The following TUSC3 variants were observed in gnomAD, a reference collection of about 807,000 sequenced individuals.
TUSC3 encodes the protein dolichyl-diphosphooligosaccharide--protein glycosyltransferase subunit TUSC3.
In TUSC3, 45 loss-of-function variants were observed where a neutral mutation model predicts 44.8. That is an observed-to-expected ratio of 1.00 (90% CI 0.79 to 1.29). The LOEUF (loss-of-function observed/expected upper bound fraction) is 1.29. TUSC3 is among the 50% of genes most tolerant of loss of function. The probability of loss-of-function intolerance (pLI) is 0.00; values close to 1 mark genes in which losing one functional copy is unlikely to be tolerated. For missense variants in TUSC3, 519 were observed against 437.9 expected (o/e 1.19, Z -1.65); for synonymous variants, 212 against 152.9 (o/e 1.39, Z -2.85).
chr8:15,490,445 T>G (rs959659397), intron 2 of TUSC3, among the ~76,000 whole-genome samples: 2 of 152,064 alleles, frequency 1.3e-5, no homozygotes, highest in Non-Finnish European at 2.9e-5. Flanking sequence ...ATCACCACCC[T>G]GCAATTTTCC....
chr8:15,826,626 T>G, the TUSC3 span, among the ~76,000 whole-genome samples: 1 of 152,076 alleles, frequency 6.6e-6, no homozygotes, highest in Admixed American at 6.6e-5. Flanking sequence ...TGGAAATAAA[T>G]GAAGATAACC....
chr8:15,632,397 A>G (rs1218903136), intron 2 of TUSC3, among the ~76,000 whole-genome samples: 2 of 152,156 alleles, frequency 1.3e-5, no homozygotes, highest in African/African-American at 2.4e-5. Flanking sequence ...CTTATTGTAT[A>G]TTATCAGGAG....
intron 2 of TUSC3, among the ~76,000 whole-genome samples, chr8:15,503,955 A>G (rs1801009030): frequency 6.6e-6 from 1 of 150,822 alleles, no homozygotes; most frequent in Non-Finnish European, 1.5e-5. Context: ...GTGGAGTTGC[A>G]GCAAGCGGAG....
intron 3 of TUSC3, 193 bp downstream of exon 3, chr8:15,651,007 A>G: frequency 5.3e-6 from 3 of 566,016 alleles, no homozygotes; most frequent in Non-Finnish European, 9.6e-6. Flanking sequence ...ACACACACAC[A>G]CACACACACA....
intron 2 of TUSC3, among the ~76,000 whole-genome samples, chr8:15,644,081 A>G (rs546809245): frequency 1.3e-5 from 2 of 152,238 alleles, no homozygotes; most frequent in Non-Finnish European, 2.9e-5. Flanking sequence ...TGGGAAATAA[A>G]TATGTAGAAC....
chr8:15,735,651 C>T (rs1448529954), intron 7 of TUSC3, among the ~76,000 whole-genome samples: 1 of 152,134 alleles, frequency 6.6e-6, no homozygotes, highest in Non-Finnish European at 1.5e-5. Flanking sequence ...TTGTAAATAT[C>T]TGAAAAGATC....
intron 2 of TUSC3, among the ~76,000 whole-genome samples, chr8:15,517,147 C>T (rs1232332363): frequency 1.3e-5 from 2 of 152,068 alleles, no homozygotes; most frequent in African/African-American, 2.4e-5. Context: ...GATTCTCTAG[C>T]AATAGCTCAG....
At chr8:15,418,827 C>T (rs1427591693) in intron 1 of TUSC3, among the ~76,000 whole-genome samples, 1 of 152,000 alleles carries the variant, frequency 6.6e-6, no homozygotes, top group Non-Finnish European at 1.5e-5. Context: ...GCAACATAGC[C>T]ACACCTTATC....
At chr8:15,487,493 A>G (rs1800748498) in intron 2 of TUSC3, among the ~76,000 whole-genome samples, 1 of 152,210 alleles carries the variant, frequency 6.6e-6, no homozygotes, top group Non-Finnish European at 1.5e-5. Flanking sequence ...ACAAAGCACA[A>G]TTAATTTATC....
intron 7 of TUSC3, among the ~76,000 whole-genome samples, chr8:15,735,883 G>GTTTTTT (rs1256092839): frequency 1.4e-4 from 5 of 35,030 alleles, no homozygotes; most frequent in Non-Finnish European, 3.0e-4. Context: ...TTTTTTTTTT[G>GTTTTTT]TTTTTTTGGT....
chr8:15,771,112 T>C (rs887510244), downstream of TUSC3, among the ~76,000 whole-genome samples: 2 of 152,160 alleles, frequency 1.3e-5, no homozygotes, highest in African/African-American at 4.8e-5. Context: ...TTTACAGTGC[T>C]AAAAGAAACC....
intron 2 of TUSC3, among the ~76,000 whole-genome samples, chr8:15,504,627 T>A (rs1290101138): frequency 5.1e-4 from 41 of 79,690 alleles, no homozygotes; most frequent in African/African-American, 2.0e-3. Flanking sequence ...ATATATTTTT[T>A]TTTTTTTTTT....
intron 1 of TUSC3, among the ~76,000 whole-genome samples, chr8:15,437,096 G>C (rs1003308991): frequency 6.6e-6 from 1 of 152,086 alleles, no homozygotes; most frequent in Non-Finnish European, 1.5e-5. Flanking sequence ...GTCAAATTAA[G>C]ATATCTCTAA....
chr8:15,544,962 A>G (rs1186281639), intron 1 of TUSC3, among the ~76,000 whole-genome samples: 1 of 151,802 alleles, frequency 6.6e-6, no homozygotes, highest in Non-Finnish European at 1.5e-5. Context: ...CAGATGAAGG[A>G]TAGTTTATTA....
At position 15,766,053 on chromosome 8, in the gene TUSC3, A is replaced by ATAGATAAGGAG. The variant is rs1350383228; in HGVS notation, c.*1900_*1910dup. 1 of 152,096 alleles carries ATAGATAAGGAG rather than the reference A, an allele frequency of 6.6e-6. No homozygotes were observed. Among genetic ancestry groups the ATAGATAAGGAG allele is most frequent in the East Asian group, 1.9e-4 (1 of 5,204 alleles). 9.4% of individuals were successfully genotyped at this position (152,096 alleles called of 1,614,324 possible). A position where few individuals can be genotyped will look rare whatever the true frequency, so the allele number is the denominator to read the frequency against. On this transcript the variant is annotated 3_prime_UTR_variant, in exon 11 of 11. Transcript: ENST00000503731. ...GTCATCCTCAGACACTATAACTAAG[A>ATAGATAAGGAG]TAGATAAGGAGTACTTTACTATACC...
intron 1 of TUSC3, among the ~76,000 whole-genome samples, chr8:15,445,716 T>A (rs566513553): frequency 2.1e-4 from 32 of 152,372 alleles, no homozygotes; most frequent in African/African-American, 7.2e-4. Flanking sequence ...TGTCTACTTC[T>A]TTCTACACAG....
At chr8:15,776,018 A>C in the TUSC3 span, among the ~76,000 whole-genome samples, 1 of 151,984 alleles carries the variant, frequency 6.6e-6, no homozygotes, top group Non-Finnish European at 1.5e-5. Context: ...GTATAGTTTG[A>C]CTGTAGAAAA....
chr8:15,656,158 C>G (rs1471790425), intron 3 of TUSC3, among the ~76,000 whole-genome samples: 1 of 151,948 alleles, frequency 6.6e-6, no homozygotes, highest in Non-Finnish European at 1.5e-5. Context: ...ATATTCTGCC[C>G]CTAACCCTAC....
At chr8:15,828,936 A>G in the TUSC3 span, among the ~76,000 whole-genome samples, 1 of 152,208 alleles carries the variant, frequency 6.6e-6, no homozygotes, top group African/African-American at 2.4e-5. Context: ...AATCCATTAA[A>G]TATTTAAATG....
Sources: allele counts gnomAD v4.1 joint callset (sites outside exome capture counted in the v4.1 genomes callset), GRCh38; gene constraint gnomAD v4.1.1; transcripts MANE v1.5; gene names NCBI Gene and HGNC (gene_info 2026-07-23, HGNC 2026-07-21).